SCAF11: variants seen among roughly 807,000 people sequenced by gnomAD.
SCAF11 encodes the protein protein SCAF11.
In SCAF11, 47 loss-of-function variants were observed where a neutral mutation model predicts 140.5. The ratio of observed to expected loss-of-function variants is 0.33; its 90% CI spans 0.26 to 0.43. SCAF11 has a LOEUF of 0.43. SCAF11 is among the 20% of genes least tolerant of loss of function. The probability of loss-of-function intolerance (pLI) is 1.00; values close to 1 mark genes in which losing one functional copy is unlikely to be tolerated. For synonymous variants in SCAF11, 557 were observed against 579.4 expected, an observed-to-expected ratio of 0.96 and a Z score of 0.55; for missense variants, 1,645 against 1,705.1, an observed-to-expected ratio of 0.96 and a Z score of 0.62.
intron 1 of SCAF11, among the ~76,000 whole-genome samples, chr12:45,981,699 G>A (rs1423698914): frequency 6.6e-6 from 1 of 152,120 alleles, no homozygotes; most frequent in Non-Finnish European, 1.5e-5. Context: ...GGAGGCTAAG[G>A]CAGGAGGATT....
intron 1 of SCAF11, among the ~76,000 whole-genome samples, chr12:45,983,434 T>C (rs910486047): frequency 6.6e-6 from 1 of 152,162 alleles, no homozygotes; most frequent in African/African-American, 2.4e-5. Flanking sequence ...CTACACATTC[T>C]GGCATGCCTT....
At chr12:45,946,047 A>G (rs1017697967) in intron 5 of SCAF11, among the ~76,000 whole-genome samples, 1 of 152,114 alleles carries the variant, frequency 6.6e-6, no homozygotes, top group African/African-American at 2.4e-5. Flanking sequence ...CTGGCTATTG[A>G]GCCACGCAGA....
At chr12:45,954,195 T>A (rs530601713) in intron 3 of SCAF11, among the ~76,000 whole-genome samples, 143 of 152,298 alleles carry the variant, frequency 9.4e-4, no homozygotes, top group African/African-American at 3.4e-3. Flanking sequence ...TCTACTGACA[T>A]CAGCTAAATT....
upstream of SCAF11, chr12:45,991,738 T>C: frequency 2.4e-6 from 1 of 423,116 alleles, no homozygotes; most frequent in Non-Finnish European, 3.6e-6. Flanking sequence ...CTAGTTTCTC[T>C]TCTCGTCGAC....
At chr12:45,961,207 A>T (rs1291436163) in intron 3 of SCAF11, 1 of 660,884 alleles carries the variant, frequency 1.5e-6, no homozygotes, top group Non-Finnish European at 2.8e-6. Flanking sequence ...ACCAAGTCAT[A>T]GAACATAAAA....
intron 9 of SCAF11, among the ~76,000 whole-genome samples, chr12:45,932,380 A>T (rs1945067889): frequency 6.6e-6 from 1 of 152,132 alleles, no homozygotes. Flanking sequence ...GAGTAGGAGA[A>T]GCATGGGAAA....
chr12:45,950,619 T>A (rs2136574497), intron 4 of SCAF11, among the ~76,000 whole-genome samples: 1 of 152,366 alleles, frequency 6.6e-6, no homozygotes, highest in African/African-American at 2.4e-5. Flanking sequence ...TATAATGTTT[T>A]ATCTTTTTTC....
intron 3 of SCAF11, chr12:45,954,592 C>G (rs917887645): frequency 6.9e-6 from 1 of 144,964 alleles, no homozygotes; most frequent in Non-Finnish European, 1.5e-5. Flanking sequence ...TTTTTTAACA[C>G]AGGGTTTCAC....
intron 1 of SCAF11, among the ~76,000 whole-genome samples, chr12:45,987,675 G>C (rs1431180780): frequency 1.3e-5 from 2 of 152,192 alleles, no homozygotes; most frequent in Non-Finnish European, 2.9e-5. Flanking sequence ...GAAAGGGTGA[G>C]GAGATGAAGT....
At chr12:45,960,293 T>C (rs558701149) in intron 3 of SCAF11, among the ~76,000 whole-genome samples, 2 of 152,220 alleles carry the variant, frequency 1.3e-5, no homozygotes, top group East Asian at 1.9e-4. Flanking sequence ...GCAAAACATA[T>C]ACTCCGATTA....
At chr12:45,977,408 TAGC>T (rs1370707552) in intron 1 of SCAF11, among the ~76,000 whole-genome samples, 1 of 152,050 alleles carries the variant, frequency 6.6e-6, no homozygotes, top group Non-Finnish European at 1.5e-5. Flanking sequence ...AAGAACTTGT[TAGC>T]AGTTACCTGG....
rs765635030 is a variant in SCAF11, at chr12:45,945,251, T to C, written c.461A>G (p.His154Arg). Reference sequence around the variant, plus strand: ...TCCACAAGCAAAAAGTAACTTACTATGTATCCACTTCAAGTCACAAACTTT... The same window carrying C: ...TCCACAAGCAAAAAGTAACTTACTACGTATCCACTTCAAGTCACAAACTTT... ...SAKVCDLKWI[H>R]RNSLYSETGG... Residue 154 changes from histidine (H) to arginine (R), a missense_variant and splice_region_variant, in exon 6 of 15, where the codon CAT becomes CGT. His to Arg is a conservative substitution (Grantham distance 29). Transcript: ENST00000369367. 6.4e-7 allele frequency: 1 copy of C among 1,558,078 alleles called. No individual in the cohort carries two copies.
At chr12:45,963,166 T>C (rs1395208060) in intron 2 of SCAF11, among the ~76,000 whole-genome samples, 1 of 152,014 alleles carries the variant, frequency 6.6e-6, no homozygotes, top group African/African-American at 2.4e-5. Context: ...AACATACTAA[T>C]TGAAATCCAA....
At chr12:45,942,559 T>C (rs1001925866) in intron 6 of SCAF11, among the ~76,000 whole-genome samples, 2 of 152,168 alleles carry the variant, frequency 1.3e-5, no homozygotes, top group African/African-American at 4.8e-5. Flanking sequence ...ATCTACCTAA[T>C]TCAGTCATTC....
In SCAF11 at chr12:45,922,212, G is replaced by A; in HGVS notation, c.4246-18C>T. On this transcript the variant is annotated intron_variant, in intron 14 of 14. Transcript: ENST00000369367. ...TGACAAACCTAAGAAAAAAGGGGTG[G>A]GGGGTAAACTTTTTTCATGCTTAAA... is the stretch of plus-strand genomic sequence containing the variant. 6.3e-7 allele frequency: 1 copy of A among 1,585,586 alleles called. No individual in the cohort carries two copies. The highest frequency in any genetic ancestry group is 8.5e-7 in the Non-Finnish European group (1 of 1,172,554).
intron 1 of SCAF11, among the ~76,000 whole-genome samples, chr12:45,979,619 C>A (rs148700042): frequency 2.0e-5 from 3 of 152,030 alleles, no homozygotes; most frequent in Admixed American, 6.6e-5. Flanking sequence ...AAAACCAAGA[C>A]AGAAAAAAGC....
At chr12:45,979,192 T>C (rs1044749508) in intron 1 of SCAF11, among the ~76,000 whole-genome samples, 2 of 138,380 alleles carry the variant, frequency 1.4e-5, no homozygotes, top group African/African-American at 5.2e-5. Flanking sequence ...ACTAATTCCA[T>C]CCATGAGGGC....
At chr12:45,922,822 G>A in intron 13 of SCAF11, 114 bp downstream of exon 13, 1 of 966,566 alleles carries the variant, frequency 1.0e-6, no homozygotes, top group South Asian at 1.5e-5. Context: ...AATAATAATG[G>A]CATTTAGACA....
intron 6 of SCAF11, among the ~76,000 whole-genome samples, chr12:45,940,871 T>C (rs1338010421): frequency 1.3e-5 from 2 of 152,204 alleles, no homozygotes; most frequent in Non-Finnish European, 2.9e-5. Flanking sequence ...GGCATGATCA[T>C]GACTCACCTG....
Sources: gnomAD v4.1 joint callset for allele counts (sites outside exome capture counted in the v4.1 genomes callset) on GRCh38, gnomAD v4.1.1 for gene constraint, MANE v1.5 for transcripts, NCBI Gene and HGNC (gene_info 2026-07-23, HGNC 2026-07-21) for gene names.